The following PCDHGC3 variants were observed in gnomAD, a reference collection of about 807,000 sequenced individuals.
The protein encoded by PCDHGC3 is protocadherin gamma-C3.
Under a neutral mutation model 59.2 loss-of-function variants are expected in PCDHGC3, and 26 were observed. The ratio of observed to expected loss-of-function variants is 0.44; its 90% CI spans 0.32 to 0.61. PCDHGC3 has a LOEUF of 0.61. Ranked by LOEUF, PCDHGC3 falls within the 20% of genes least tolerant of loss-of-function variation. PCDHGC3 has a pLI of 0.05. For synonymous variants in PCDHGC3, 487 were observed against 519.7 expected (o/e 0.94, Z 0.86); for missense variants, 1,080 against 1,221.8 (o/e 0.88, Z 1.73).
chr5:141,479,000 T>C (rs2099485433), intron 1 of PCDHGC3, among the ~76,000 whole-genome samples: 1 of 152,244 alleles, frequency 6.6e-6, no homozygotes, highest in Non-Finnish European at 1.5e-5. Flanking sequence ...TTAAAACTAA[T>C]AGCTTTTTGA....
chr5:141,476,798 C>T lies in PCDHGC3; in HGVS notation c.682C>T (p.Leu228=). 3.1e-6 allele frequency: 5 copies of T among 1,613,660 alleles called. No homozygotes were observed. The highest frequency in any genetic ancestry group is 4.2e-6 in the Non-Finnish European group (5 of 1,180,028). ...AGGGACCCCAGCTCTCTCCGCCAGC[C>T]TGCCTATTCACATCAAGGTGCTGGA... The part of the protein sequence containing the change: ...DGGTPALSAS[L]PIHIKVLDAN... The change falls in exon 1 of 4, where the codon CTG becomes TTG. Residue 228 remains leucine (L), a synonymous_variant. Coordinates refer to ENST00000308177, the MANE Select transcript of PCDHGC3 (RefSeq NM_002588.4). This position sits in a 1 kb window ranked among gnomAD's most constrained non-coding sequence, Gnocchi z 7.6.
At chr5:141,498,967 GGGAGGGAAGGAAGGAAGGAA>G (rs1464205074) in intron 2 of PCDHGC3, among the ~76,000 whole-genome samples, 5 of 129,584 alleles carry the variant, frequency 3.9e-5, no homozygotes, top group African/African-American at 1.6e-4. Flanking sequence ...GAGGGAGGGA[GGGAGGGAAGGAAGGAAGGAA>G]GGAAGGAAGG....
At chr5:141,497,771 C>T (rs2099779314) in intron 2 of PCDHGC3, among the ~76,000 whole-genome samples, 1 of 152,154 alleles carries the variant, frequency 6.6e-6, no homozygotes, top group Non-Finnish European at 1.5e-5. Context: ...ACTCCCCGAC[C>T]TCAACTGATC....
Position 141,485,151 on chromosome 5 carries a change from T to C in PCDHGC3, c.2430+6605T>C, listed in dbSNP as rs1191585056. 1.0e-5 allele frequency: 16 copies of C among 1,584,876 alleles called. No homozygotes were observed. Among genetic ancestry groups the C allele is most frequent in the Non-Finnish European group, 1.3e-5 (15 of 1,156,528 alleles). On this transcript the variant is annotated intron_variant, in intron 1 of 3. Coordinates refer to ENST00000308177, the MANE Select transcript of PCDHGC3 (RefSeq NM_002588.4). This position sits in a 1 kb window ranked among gnomAD's most constrained non-coding sequence, Gnocchi z 5.7. ...GCTTCATCCGCGTCTCAGGAGCAAG[T>C]AGAGAATTAGCGGGCGGCAGCAATG...
chr5:141,478,326 C>T lies in PCDHGC3; in HGVS notation c.2210C>T (p.Thr737Ile). 1 of 1,613,950 alleles carries T rather than the reference C, an allele frequency of 6.2e-7. No homozygotes were observed. Among genetic ancestry groups the T allele is most frequent in the Admixed American group, 1.7e-5 (1 of 60,026 alleles). ...YRAPVSSLYRTPGPSLHADAV... is the reference protein window; with the variant it reads ...YRAPVSSLYRIPGPSLHADAV... Reference sequence around the variant, plus strand: ...GCCCCGGTGAGCTCACTGTACCGAACACCAGGGCCCTCCTTGCACGCGGAC... The same window carrying T: ...GCCCCGGTGAGCTCACTGTACCGAATACCAGGGCCCTCCTTGCACGCGGAC... Residue 737 changes from threonine (T) to isoleucine (I), a missense_variant, in exon 1 of 4, where the codon ACA becomes ATA. Physicochemically the swap from Thr to Ile is moderately conservative, Grantham distance 89. Transcript: ENST00000308177.
intron 3 of PCDHGC3, chr5:141,508,363 A>G (rs996562348): frequency 1.3e-5 from 2 of 152,230 alleles, no homozygotes; most frequent in Non-Finnish European, 2.9e-5. Flanking sequence ...TGGCAATCCA[A>G]CTTCTTCCCC....
chr5:141,509,843 C>T (rs1596253565), intron 3 of PCDHGC3, among the ~76,000 whole-genome samples: 1 of 152,178 alleles, frequency 6.6e-6, no homozygotes, highest in African/African-American at 2.4e-5. Context: ...CTCCCATTCA[C>T]TCAGAACAGG....
chr5:141,507,862 G>T (rs17286954), intron 3 of PCDHGC3, among the ~76,000 whole-genome samples: 20,426 of 152,154 alleles, frequency 0.13, 1,374 homozygotes, highest in Admixed American at 0.16. Context: ...TTTCACACCC[G>T]CTTCCTAGCC....
chr5:141,486,505 T>C lies in PCDHGC3; in HGVS notation c.2430+7959T>C. The C allele has an allele frequency of 6.2e-7, 1 of 1,614,156 alleles. No individual in the cohort carries two copies. ...GTACCCACAGAACTATTTTCCTCAA[T>C]ATTTCAGATGTGAATGATAATCCAC... is the stretch of plus-strand genomic sequence containing the variant. On this transcript the variant is annotated intron_variant, in intron 1 of 3. Coordinates refer to ENST00000308177, the MANE Select transcript of PCDHGC3 (RefSeq NM_002588.4). The surrounding 1 kb of genome is among the most constrained non-coding windows in gnomAD (Gnocchi z 5.0).
rs2099884159 is a variant in PCDHGC3 at position 141,512,278 on chromosome 5, G to A, written c.*1105G>A. 6.5e-6 allele frequency: 1 copy of A among 152,812 alleles called. No homozygotes were observed. Among genetic ancestry groups the A allele is most frequent in the Non-Finnish European group, 1.5e-5 (1 of 68,170 alleles). 9.5% of individuals were successfully genotyped at this position (152,812 alleles called of 1,614,324 possible). A position where few individuals can be genotyped will look rare whatever the true frequency, so the allele number is the denominator to read the frequency against. ...TGCTGGGTACTCCAGAGGTGCCACT[G>A]GTGGAAGGGTCAGCGGAGCCCCAGC... On this transcript the variant is annotated 3_prime_UTR_variant, in exon 4 of 4. Coordinates refer to ENST00000308177, the MANE Select transcript of PCDHGC3 (RefSeq NM_002588.4).
Position 141,492,023 on chromosome 5 carries a change from C to G in PCDHGC3, c.2431-2784C>G, listed in dbSNP as rs536734764. 1.8e-4 allele frequency: 102 copies of G among 564,804 alleles called. 3 individuals carry two copies. In the South Asian group the frequency reaches 2.8e-3, roughly 15 times the overall value. The allele number at this position is 564,804 out of a possible 1,614,324, so 35.0% of individuals were successfully genotyped here. A position where few individuals can be genotyped will look rare whatever the true frequency, so the allele number is the denominator to read the frequency against. On this transcript the variant is annotated intron_variant, in intron 1 of 3. Coordinates refer to ENST00000308177, the MANE Select transcript of PCDHGC3 (RefSeq NM_002588.4). Reference sequence around the variant, plus strand: ...CGATTTCCGCGGGTGTCGGGGGTCCCGGGAGGAGGCAGTCACAGATCCACC... The same window carrying G: ...CGATTTCCGCGGGTGTCGGGGGTCCGGGGAGGAGGCAGTCACAGATCCACC...
At position 141,491,187 on chromosome 5, in the gene PCDHGC3, G is replaced by A. The variant is rs2099709293; in HGVS notation, c.2431-3620G>A. ...CCCAGCAGGTGGTGGTCCTGGTGAG[G>A]GACAATGGTGACCCTTCACTCTCCT... On this transcript the variant is annotated intron_variant, in intron 1 of 3. Coordinates refer to ENST00000308177, the MANE Select transcript of PCDHGC3 (RefSeq NM_002588.4). The surrounding 1 kb of genome is among the most constrained non-coding windows in gnomAD (Gnocchi z 6.9). The A allele has an allele frequency of 6.2e-7, 1 of 1,614,064 alleles. No homozygotes were observed. The highest frequency in any genetic ancestry group is 1.1e-5 in the South Asian group (1 of 91,080).
chr5:141,502,866 C>CTTTT (rs549047197), intron 2 of PCDHGC3, among the ~76,000 whole-genome samples: 3 of 128,028 alleles, frequency 2.3e-5, no homozygotes, highest in African/African-American at 6.2e-5. Flanking sequence ...GACTCTCTGT[C>CTTTT]TTTTTTTTTT....
In PCDHGC3 at chr5:141,489,180, CTGGGTCTACCT is replaced by C. The variant is rs906371381; in HGVS notation, c.2431-5623_2431-5613del. 6.3e-5 allele frequency: 79 copies of C among 1,259,748 alleles called. No individual in the cohort carries two copies. The African/African-American group carries it at 9.3e-4, about 15-fold the overall frequency. 78.0% of individuals were successfully genotyped at this position (1,259,748 alleles called of 1,614,324 possible). ...GACTTCAGCTGCTGCATTCCAAGCCCTGGGTCTACCTTGGAGACAGGACAGCACAGACTTAC... is the reference window on the plus strand; with the variant it reads ...GACTTCAGCTGCTGCATTCCAAGCCCTGGAGACAGGACAGCACAGACTTAC... On this transcript the variant is annotated intron_variant, in intron 1 of 3. Coordinates refer to ENST00000308177, the MANE Select transcript of PCDHGC3 (RefSeq NM_002588.4). This position sits in a 1 kb window ranked among gnomAD's most constrained non-coding sequence, Gnocchi z 4.5.
Position 141,486,616 on chromosome 5 carries a change from C to A in PCDHGC3, c.2430+8070C>A. On this transcript the variant is annotated intron_variant, in intron 1 of 3. Transcript: ENST00000308177. The surrounding 1 kb of genome is among the most constrained non-coding windows in gnomAD (Gnocchi z 5.0). ...TGCTTTGCTCCCTTGCAGCCTCTGACCCAGACTCTGGCTTGAATGCGCTTA... is the reference window on the plus strand; with the variant it reads ...TGCTTTGCTCCCTTGCAGCCTCTGAACCAGACTCTGGCTTGAATGCGCTTA... The A allele has an allele frequency of 6.2e-7, 1 of 1,613,618 alleles. No individual in the cohort carries two copies. Among genetic ancestry groups the A allele is most frequent in the Non-Finnish European group, 8.5e-7 (1 of 1,180,022 alleles).
chr5:141,491,168 A>G lies in PCDHGC3; in HGVS notation c.2431-3639A>G. On this transcript the variant is annotated intron_variant, in intron 1 of 3. Coordinates refer to ENST00000308177, the MANE Select transcript of PCDHGC3 (RefSeq NM_002588.4). The surrounding 1 kb of genome is among the most constrained non-coding windows in gnomAD (Gnocchi z 6.9). Reference sequence around the variant, plus strand: ...CTGGAGGATGACTCTGACACCCAGCAGGTGGTGGTCCTGGTGAGGGACAAT... The same window carrying G: ...CTGGAGGATGACTCTGACACCCAGCGGGTGGTGGTCCTGGTGAGGGACAAT... 2 of 1,614,160 alleles carry G rather than the reference A, an allele frequency of 1.2e-6. No homozygotes were observed.
At position 141,485,122 on chromosome 5, in the gene PCDHGC3, G is replaced by A. The variant is rs1000179570; in HGVS notation, c.2430+6576G>A. The A allele has an allele frequency of 1.4e-6, 2 of 1,387,624 alleles. No individual in the cohort carries two copies. The highest frequency in any genetic ancestry group is 1.4e-5 in the African/African-American group (1 of 70,566). 86.0% of individuals were successfully genotyped at this position (1,387,624 alleles called of 1,614,324 possible). A position where few individuals can be genotyped will look rare whatever the true frequency, so the allele number is the denominator to read the frequency against. Reference sequence around the variant, plus strand: ...CAGCTGCTGTGGCTGTTTGGGGCGGGTCGGCTTCATCCGCGTCTCAGGAGC... The same window carrying A: ...CAGCTGCTGTGGCTGTTTGGGGCGGATCGGCTTCATCCGCGTCTCAGGAGC... On this transcript the variant is annotated intron_variant, in intron 1 of 3. Coordinates refer to ENST00000308177, the MANE Select transcript of PCDHGC3 (RefSeq NM_002588.4). The surrounding 1 kb of genome is among the most constrained non-coding windows in gnomAD (Gnocchi z 5.7).
Position 141,486,277 on chromosome 5 carries a change from G to A in PCDHGC3, c.2430+7731G>A, listed in dbSNP as rs1156704202. 6.2e-7 allele frequency: 1 copy of A among 1,614,020 alleles called. No individual in the cohort carries two copies. The highest frequency in any genetic ancestry group is 1.1e-5 in the South Asian group (1 of 91,056). ...CCGAGAGTGCAGAACCTGGCACTGT[G>A]GTGGCACTTATCAGTGTGCAGGATC... On this transcript the variant is annotated intron_variant, in intron 1 of 3. Transcript: ENST00000308177. The surrounding 1 kb of genome is among the most constrained non-coding windows in gnomAD (Gnocchi z 5.0).
At chr5:141,504,134 A>G (rs73280371) in intron 2 of PCDHGC3, among the ~76,000 whole-genome samples, 139 of 152,168 alleles carry the variant, frequency 9.1e-4, no homozygotes, top group African/African-American at 3.1e-3. Flanking sequence ...TCCCGCCAAC[A>G]CTCCCCTGCA....
Sources: gnomAD v4.1 joint callset for allele counts (sites outside exome capture counted in the v4.1 genomes callset) on GRCh38, gnomAD v4.1.1 for gene constraint, Gnocchi (gnomAD v3.1) non-coding constraint, MANE v1.5 for transcripts, NCBI Gene and HGNC (gene_info 2026-07-23, HGNC 2026-07-21) for gene names.